The following PROM1 variants were observed in gnomAD, a reference collection of about 807,000 sequenced individuals.
PROM1 encodes the protein prominin 1.
In PROM1, 105 loss-of-function variants were observed where a neutral mutation model predicts 116.9. The ratio of observed to expected loss-of-function variants is 0.90; its 90% CI spans 0.77 to 1.06. PROM1 has a LOEUF of 1.06. Ranked by LOEUF, PROM1 falls within the 50% of genes least tolerant of loss-of-function variation. The pLI, the probability that PROM1 is intolerant of heterozygous loss-of-function variation, is 0.00. For missense variants in PROM1, 1,122 were observed against 1,045.2 expected (o/e 1.07, Z -1.01); for synonymous variants, 393 against 387.0 (o/e 1.02, Z -0.18).
intron 16 of PROM1, among the ~76,000 whole-genome samples, chr4:15,993,687 T>C (rs1353777319): frequency 6.6e-6 from 1 of 152,166 alleles, no homozygotes; most frequent in African/African-American, 2.4e-5. Flanking sequence ...AAAACGTCTA[T>C]ACTCAGCAAA....
At chr4:16,012,483 A>G (rs1727132610) in intron 11 of PROM1, among the ~76,000 whole-genome samples, 1 of 152,196 alleles carries the variant, frequency 6.6e-6, no homozygotes, top group African/African-American at 2.4e-5. Flanking sequence ...TAAGCAACCT[A>G]AGGAGCCTAA....
At chr4:15,993,678 A>G (rs1034927038) in intron 16 of PROM1, among the ~76,000 whole-genome samples, 1 of 152,156 alleles carries the variant, frequency 6.6e-6, no homozygotes, top group South Asian at 2.1e-4. Flanking sequence ...GTTCCCACAA[A>G]AACGTCTATA....
At chr4:16,011,963 A>C (rs1012036717) in intron 11 of PROM1, among the ~76,000 whole-genome samples, 1 of 152,174 alleles carries the variant, frequency 6.6e-6, no homozygotes, top group African/African-American at 2.4e-5. Context: ...ATAGCTTTAC[A>C]TAGCTTCAGA....
intron 26 of PROM1, among the ~76,000 whole-genome samples, chr4:15,974,825 T>C (rs1385382095): frequency 4.6e-5 from 7 of 152,166 alleles, no homozygotes; most frequent in Admixed American, 2.6e-4. Context: ...ATTTTCCTCC[T>C]AAACCTAGCT....
chr4:16,043,498 T>C (rs1329795880), intron 2 of PROM1, among the ~76,000 whole-genome samples: 2 of 152,148 alleles, frequency 1.3e-5, no homozygotes, highest in Middle Eastern at 3.2e-3. Flanking sequence ...AAATGCTCAC[T>C]AACACCACCC....
chr4:15,999,680 G>A (rs527308279), intron 14 of PROM1, among the ~76,000 whole-genome samples: 1 of 152,268 alleles, frequency 6.6e-6, no homozygotes, highest in East Asian at 1.9e-4. Flanking sequence ...GCCAAATGGA[G>A]ATCATTTGAC....
intron 9 of PROM1, among the ~76,000 whole-genome samples, chr4:16,017,538 T>G (rs1728701973): frequency 6.6e-6 from 1 of 152,200 alleles, no homozygotes. Flanking sequence ...AAATGTGAGG[T>G]GTCCGGGCGT....
At chr4:16,049,064 C>T (rs1206977652) in intron 2 of PROM1, among the ~76,000 whole-genome samples, 1 of 152,170 alleles carries the variant, frequency 6.6e-6, no homozygotes, top group African/African-American at 2.4e-5. Flanking sequence ...GGCCATGGGC[C>T]GGGTTCCTGT....
At chr4:15,979,344 G>A in intron 26 of PROM1, 51 bp downstream of exon 26, 3 of 1,612,524 alleles carry the variant, frequency 1.9e-6, no homozygotes, top group Non-Finnish European at 2.5e-6. Flanking sequence ...ATCTATAGGA[G>A]ATGAGACGGT....
chr4:15,970,004 G>A (rs1284572041), intron 27 of PROM1, among the ~76,000 whole-genome samples: 1 of 151,898 alleles, frequency 6.6e-6, no homozygotes, highest in Admixed American at 6.6e-5. Flanking sequence ...GTGCATGAGT[G>A]TGTTGGCTAT....
chr4:16,060,245 T>G (rs1739991802), intron 2 of PROM1, among the ~76,000 whole-genome samples: 1 of 152,162 alleles, frequency 6.6e-6, no homozygotes, highest in Non-Finnish European at 1.5e-5. Context: ...AACGCATGAC[T>G]AGAATTATCT....
Position 15,980,485 on chromosome 4 carries a change from A to C in PROM1, c.2426T>G (p.Leu809Arg). 4 of 1,556,704 alleles carry C rather than the reference A, an allele frequency of 2.6e-6. No individual in the cohort carries two copies. The highest frequency in any genetic ancestry group is 3.5e-6 in the Non-Finnish European group (4 of 1,149,182). The change falls in exon 24 of 28, where the codon CTA (leucine) becomes CGA (arginine). Residue 809 changes from leucine (L) to arginine (R), a missense_variant. Transcript: ENST00000447510. ...CTTAGCCAGTTTTACCGCAAAAATT[A>C]GAGCCGGAAGTAAAAATACAGTAGC... ...GKATVFLLPALIFAVKLAKYY... is the reference protein window; with the variant it reads ...GKATVFLLPARIFAVKLAKYY...
intron 2 of PROM1, among the ~76,000 whole-genome samples, chr4:16,047,043 C>T (rs968792312): frequency 6.6e-6 from 1 of 152,242 alleles, no homozygotes; most frequent in South Asian, 2.1e-4. Context: ...TGTGGGACCT[C>T]GCAAGTCTGA....
chr4:15,981,346 G>A (rs1300814229), intron 23 of PROM1, among the ~76,000 whole-genome samples: 5 of 151,572 alleles, frequency 3.3e-5, no homozygotes, highest in Admixed American at 6.6e-5. Context: ...CGAGGCAGGC[G>A]GATCACGAGG....
chr4:15,981,646 T>C (rs1421707410), intron 23 of PROM1, among the ~76,000 whole-genome samples: 1 of 152,102 alleles, frequency 6.6e-6, no homozygotes, highest in Non-Finnish European at 1.5e-5. Context: ...CTGAGATGCT[T>C]GCATCTTCAT....
At chr4:16,028,068 C>T (rs1731766731) in intron 5 of PROM1, among the ~76,000 whole-genome samples, 1 of 150,816 alleles carries the variant, frequency 6.6e-6, no homozygotes, top group Non-Finnish European at 1.5e-5. Flanking sequence ...GTAATCCTAG[C>T]TACTTGGGAC....
chr4:16,075,746 A>G lies in PROM1; in HGVS notation c.161T>C (p.Ile54Thr). 1 of 1,613,868 alleles carries G rather than the reference A, an allele frequency of 6.2e-7. No homozygotes were observed. Among genetic ancestry groups the G allele is most frequent in the Non-Finnish European group, 8.5e-7 (1 of 1,179,854 alleles). ...QDSHKAGPIG[I>T]LFELVHIFLY... Reference sequence around the variant, plus strand: ...AAAGATATGCACTAGTTCAAAGAGAATGCCAATGGGTCCAGCTTTATGGGA... The same window carrying G: ...AAAGATATGCACTAGTTCAAAGAGAGTGCCAATGGGTCCAGCTTTATGGGA... Residue 54 changes from isoleucine (I) to threonine (T), a missense_variant, in exon 2 of 28, where the codon ATT (isoleucine) becomes ACT (threonine). Physicochemically the swap from Ile to Thr is moderately conservative, Grantham distance 89 (BLOSUM62 -1). Transcript: ENST00000447510.
At position 15,968,722 on chromosome 4, in the gene PROM1, T is replaced by C. The variant is rs539596375; in HGVS notation, c.*671A>G. On this transcript the variant is annotated 3_prime_UTR_variant, in exon 28 of 28. Coordinates refer to ENST00000447510, the MANE Select transcript of PROM1 (RefSeq NM_006017.3). ...AGATGGAGTTACGCAGGTTTCTCTA[T>C]GATTGCTTTTGCATGCCATTTCCAA... 1.3e-5 allele frequency: 2 copies of C among 152,386 alleles called. No homozygotes were observed. The highest frequency in any genetic ancestry group is 1.9e-4 in the East Asian group (1 of 5,192). 9.4% of individuals were successfully genotyped at this position (152,386 alleles called of 1,614,324 possible).
At chr4:15,969,628 C>T (rs908446390) in intron 27 of PROM1, among the ~76,000 whole-genome samples, 1 of 151,986 alleles carries the variant, frequency 6.6e-6, no homozygotes, top group Non-Finnish European at 1.5e-5. Flanking sequence ...ACTCTGTCGC[C>T]CAGGCTGGAG....
Sources: gnomAD v4.1 joint callset for allele counts (sites outside exome capture counted in the v4.1 genomes callset) on GRCh38, gnomAD v4.1.1 for gene constraint, MANE v1.5 for transcripts, NCBI Gene and HGNC (gene_info 2026-07-23, HGNC 2026-07-21) for gene names.